CLIC5: variants seen among roughly 807,000 people sequenced by gnomAD.
The protein encoded by CLIC5 is chloride intracellular channel protein 5.
In CLIC5, 20 loss-of-function variants were observed where a neutral mutation model predicts 24.7. The observed-to-expected ratio is 0.81, with a 90% CI of 0.57 to 1.18. The LOEUF is 1.18. CLIC5 is among the 50% of genes most tolerant of loss of function. The pLI is 0.00. For synonymous variants in CLIC5, 159 were observed against 135.6 expected (o/e 1.17, Z -1.20); for missense variants, 341 against 326.1 (o/e 1.05, Z -0.35).
chr6:46,019,825 T>A (rs1277403314), upstream of CLIC5, among the ~76,000 whole-genome samples: 1 of 150,238 alleles, frequency 6.7e-6, no homozygotes, highest in Non-Finnish European at 1.5e-5. Flanking sequence ...AATAGAGACA[T>A]TACATAATAA....
intron 4 of CLIC5, among the ~76,000 whole-genome samples, chr6:45,924,573 G>C (rs1763402585): frequency 6.6e-6 from 1 of 152,080 alleles, no homozygotes; most frequent in South Asian, 2.1e-4. Context: ...AATCTAGTAG[G>C]GGGTAAATGA....
intron 1 of CLIC5, among the ~76,000 whole-genome samples, chr6:45,990,407 CTT>C (rs1266867083): frequency 6.6e-6 from 1 of 152,170 alleles, no homozygotes; most frequent in Non-Finnish European, 1.5e-5. Flanking sequence ...GACTTTTACT[CTT>C]TGTTTCCTTT....
chr6:46,119,322 C>A, the CLIC5 span, among the ~76,000 whole-genome samples: 2 of 152,226 alleles, frequency 1.3e-5, no homozygotes, highest in East Asian at 3.8e-4. Flanking sequence ...AACCTCTTCT[C>A]CTTTTGGGAC....
the CLIC5 span, among the ~76,000 whole-genome samples, chr6:46,090,891 A>G: frequency 6.6e-6 from 1 of 152,190 alleles, no homozygotes; most frequent in East Asian, 1.9e-4. Flanking sequence ...TCTTGCAACA[A>G]TCAGCAAGTT....
At chr6:46,096,937 T>C in the CLIC5 span, among the ~76,000 whole-genome samples, 1 of 152,218 alleles carries the variant, frequency 6.6e-6, no homozygotes, top group African/African-American at 2.4e-5. Context: ...CAGAGATTAT[T>C]TGGAAGGGCC....
the CLIC5 span, among the ~76,000 whole-genome samples, chr6:46,093,317 C>A: frequency 1.2e-3 from 190 of 152,294 alleles, no homozygotes; most frequent in Non-Finnish European, 2.2e-3. Context: ...CAATACAGAA[C>A]TTCTTACTTT....
chr6:45,884,603 A>T (rs1313508895), intron 6 of CLIC5, among the ~76,000 whole-genome samples: 1 of 152,196 alleles, frequency 6.6e-6, no homozygotes, highest in African/African-American at 2.4e-5. Context: ...GCAAAGGAGA[A>T]TGCAGCAGTA....
Position 46,061,622 on chromosome 6 carries a change from G to C in CLIC5, c.540+18081C>G, listed in dbSNP as rs574399266. On this transcript the variant is annotated intron_variant, in intron 1 of 5. Transcript: ENST00000185206. The stretch of plus-strand genomic sequence containing the variant: ...ATCCTCAGTCCTCAAAGTTTCTGCA[G>C]CTTTGATGGTTCCTCTTGGCCAAAG... Among the ~76,000 whole-genome samples, 13 of 152,338 alleles carry C rather than the reference G, an allele frequency of 8.5e-5. No homozygotes were observed. In the East Asian group the frequency reaches 2.5e-3, roughly 29 times the overall value.
chr6:45,935,468 C>A lies in CLIC5; in HGVS notation c.406+6079G>T, dbSNP rs115306545. On this transcript the variant is annotated intron_variant, in intron 4 of 5. Transcript: ENST00000339561. Reference sequence around the variant, plus strand: ...AATTACAGGGATGCTGCAGGATGTGCCAAAGGGGCATGGATGACACTGTGC... The same window carrying A: ...AATTACAGGGATGCTGCAGGATGTGACAAAGGGGCATGGATGACACTGTGC... Among the ~76,000 whole-genome samples, 1,397 of 152,290 alleles carry A rather than the reference C, an allele frequency of 9.2e-3. 20 individuals are homozygous for A. Among genetic ancestry groups the A allele is most frequent in the African/African-American group, 0.032 (1,325 of 41,562 alleles).
the CLIC5 span, among the ~76,000 whole-genome samples, chr6:46,110,960 G>A: frequency 6.6e-6 from 1 of 152,172 alleles, no homozygotes; most frequent in African/African-American, 2.4e-5. Context: ...CTTACGCTTG[G>A]TAGAAATGGG....
chr6:45,921,943 C>A (rs1763279251), intron 4 of CLIC5, among the ~76,000 whole-genome samples: 2 of 152,124 alleles, frequency 1.3e-5, no homozygotes, highest in South Asian at 4.2e-4. Flanking sequence ...TGTGAACAAC[C>A]CAGGGGCTCA....
rs141152591 is a variant in CLIC5, at chr6:46,065,616, G to A, written c.540+14087C>T. ...AAAAAGGGACCAACTGCTGATTTAC[G>A]TACCAACATGGTGAGTTCAAAAGCA... On this transcript the variant is annotated intron_variant, in intron 1 of 5. Transcript: ENST00000185206. Among the ~76,000 whole-genome samples, 338 of 152,222 alleles carry A rather than the reference G, an allele frequency of 2.2e-3. 1 individual carries two copies. The highest frequency in any genetic ancestry group is 7.0e-3 in the African/African-American group (291 of 41,540).
intron 4 of CLIC5, among the ~76,000 whole-genome samples, chr6:45,924,017 C>T (rs74370130): frequency 0.022 from 3,274 of 152,130 alleles, 122 homozygotes; most frequent in African/African-American, 0.075. Flanking sequence ...GTACAGTGCC[C>T]GGCATGCTGT....
the CLIC5 span, among the ~76,000 whole-genome samples, chr6:46,090,250 C>G: frequency 6.6e-6 from 1 of 152,140 alleles, no homozygotes; most frequent in Middle Eastern, 3.2e-3. Context: ...TGTGAAATCA[C>G]CTTCAGGATT....
In CLIC5 at chr6:46,015,716, T is replaced by C. The variant is rs998429610; in HGVS notation, c.-174A>G. The C allele has an allele frequency of 1.6e-6, 2 of 1,261,844 alleles. No individual in the cohort carries two copies. Among genetic ancestry groups the C allele is most frequent in the African/African-American group, 3.1e-5 (2 of 64,568 alleles). The allele number at this position is 1,261,844 out of a possible 1,614,324, so 78.2% of individuals were successfully genotyped here. On this transcript the variant is annotated 5_prime_UTR_variant, in exon 1 of 6. Transcript: ENST00000339561. ...CGAGCAGCGGGGTCTGAGAGATCAG[T>C]GTCCCAGATGCTCACATGAAAAGGA...
At chr6:45,996,440 G>T (rs1255398335) in intron 1 of CLIC5, among the ~76,000 whole-genome samples, 1 of 152,112 alleles carries the variant, frequency 6.6e-6, no homozygotes, top group Admixed American at 6.6e-5. Context: ...GTCCTGAATG[G>T]TATTGCCTAG....
intron 5 of CLIC5, chr6:45,912,117 C>G (rs967445419): frequency 2.0e-6 from 2 of 986,148 alleles, no homozygotes; most frequent in African/African-American, 3.5e-5. Flanking sequence ...CATATGAAAA[C>G]AGTTAGCTCC....
chr6:45,881,379 G>A (rs1234321660), intron 6 of CLIC5, among the ~76,000 whole-genome samples: 1 of 152,116 alleles, frequency 6.6e-6, no homozygotes, highest in African/African-American at 2.4e-5. Flanking sequence ...GACAGAAAAT[G>A]GGCTTTTCTC....
chr6:46,067,726 C>A (rs1261675503), intron 1 of CLIC5, among the ~76,000 whole-genome samples: 1 of 152,158 alleles, frequency 6.6e-6, no homozygotes, highest in East Asian at 1.9e-4. Context: ...ATGTGCCAGG[C>A]ATTCTAATGA....
Sources: gnomAD v4.1 joint callset for allele counts (sites outside exome capture counted in the v4.1 genomes callset) on GRCh38, gnomAD v4.1.1 for gene constraint, MANE v1.5 for transcripts, NCBI Gene and HGNC (gene_info 2026-07-23, HGNC 2026-07-21) for gene names.